The following MAP1B variants were observed in gnomAD, a reference collection of about 807,000 sequenced individuals.
The protein encoded by MAP1B is microtubule-associated protein 1B.
A neutral mutation model predicts 176.1 loss-of-function variants in MAP1B; 12 were observed. The ratio of observed to expected loss-of-function variants is 0.07; its 90% CI spans 0.04 to 0.11. The LOEUF (loss-of-function observed/expected upper bound fraction) is 0.11, where lower values mean the gene tolerates loss of function less well. MAP1B is among the 10% of genes least tolerant of loss of function. The pLI, the probability that MAP1B is intolerant of heterozygous loss-of-function variation, is 1.00. For synonymous variants in MAP1B, 1,044 were observed against 1,135.0 expected (o/e 0.92, Z 1.61); for missense variants, 2,523 against 2,990.5 (o/e 0.84, Z 3.65).
Position 72,194,972 on chromosome 5 carries a change from T to G in MAP1B, c.1617T>G (p.Ala539=). Reference sequence around the variant, plus strand: ...AACAAACAAAACTGAAACAGAGGGCTGATAGCCGAGAAAGTCTGAAGCCAG... The same window carrying G: ...AACAAACAAAACTGAAACAGAGGGCGGATAGCCGAGAAAGTCTGAAGCCAG... ...VVKQTKLKQR[A]DSRESLKPAA... is the part of the protein sequence containing the mutation. The change falls in exon 5 of 7, where the codon GCT becomes GCG. Residue 539 remains alanine (A), a synonymous_variant. Transcript: ENST00000296755. This position sits in a 1 kb window ranked among gnomAD's most constrained non-coding sequence, Gnocchi z 7.2. 1 of 1,614,064 alleles carries G rather than the reference T, an allele frequency of 6.2e-7. No individual in the cohort carries two copies. The highest frequency in any genetic ancestry group is 2.2e-5 in the East Asian group (1 of 44,874).
intron 2 of MAP1B, among the ~76,000 whole-genome samples, chr5:72,120,878 G>A (rs140865499): frequency 6.6e-6 from 1 of 152,290 alleles, no homozygotes; most frequent in East Asian, 1.9e-4. Context: ...TTATCCGTGG[G>A]AAATACCGGG....
intron 2 of MAP1B, among the ~76,000 whole-genome samples, chr5:72,137,221 G>A (rs556479999): frequency 6.6e-6 from 1 of 152,152 alleles, no homozygotes; most frequent in Admixed American, 6.6e-5. Context: ...CTGTAGACTG[G>A]TGTTGACCTC....
chr5:72,197,671 C>T lies in MAP1B; in HGVS notation c.4316C>T (p.Pro1439Leu), dbSNP rs139281610. ...GAAAAGAGTGGAAAACAAGGCTCTC[C>T]AGACCAAGTAAGTCCAGTTTCTGAA... ...FEEKSGKQGS[P>L]DQVSPVSEMT... Residue 1439 changes from proline (P) to leucine (L), a missense_variant, in exon 5 of 7, where the codon CCA becomes CTA. Physicochemically the swap from Pro to Leu is moderately conservative, Grantham distance 98. Around this residue, in one of 4 missense-constraint regions of MAP1B, gnomAD observed 1,925 missense variants for 2,126.0 expected, o/e 0.91. Coordinates refer to ENST00000296755, the MANE Select transcript of MAP1B (RefSeq NM_005909.5). 4.6e-5 allele frequency: 74 copies of T among 1,614,034 alleles called. No individual in the cohort carries two copies. In the African/African-American group the frequency reaches 8.9e-4, roughly 20 times the overall value.
At chr5:72,192,380 C>T (rs1747043250) in intron 4 of MAP1B, among the ~76,000 whole-genome samples, 1 of 152,184 alleles carries the variant, frequency 6.6e-6, no homozygotes, top group African/African-American at 2.4e-5. Flanking sequence ...TGATTCTTAT[C>T]CTTTTTACAG....
intron 2 of MAP1B, among the ~76,000 whole-genome samples, chr5:72,139,862 C>T (rs545166512): frequency 7.9e-5 from 12 of 152,280 alleles, no homozygotes; most frequent in South Asian, 2.1e-4. Flanking sequence ...AGATCTTTAT[C>T]CTGTACACCT....
chr5:72,187,522 C>T (rs1336323649), intron 4 of MAP1B, among the ~76,000 whole-genome samples: 1 of 152,180 alleles, frequency 6.6e-6, no homozygotes, highest in African/African-American at 2.4e-5. Flanking sequence ...TCAGACCCAT[C>T]CCCATAGCAG....
intron 2 of MAP1B, among the ~76,000 whole-genome samples, chr5:72,169,190 G>A (rs1746487381): frequency 1.3e-5 from 2 of 152,108 alleles, no homozygotes; most frequent in Admixed American, 1.3e-4. Flanking sequence ...TTAAGGGGTG[G>A]CAGAATGACC....
chr5:72,176,497 C>T (rs577686511), intron 2 of MAP1B, among the ~76,000 whole-genome samples: 1 of 152,138 alleles, frequency 6.6e-6, no homozygotes, highest in Non-Finnish European at 1.5e-5. Flanking sequence ...TAATATTTGC[C>T]CCACTACTTC....
At chr5:72,157,866 T>G (rs1287748173) in intron 2 of MAP1B, among the ~76,000 whole-genome samples, 3 of 152,126 alleles carry the variant, frequency 2.0e-5, no homozygotes, top group African/African-American at 2.4e-5. Flanking sequence ...TTATCACTCT[T>G]TCTTGCTCTG....
chr5:72,167,774 AC>A (rs144071485), intron 2 of MAP1B, among the ~76,000 whole-genome samples: 2,032 of 152,226 alleles, frequency 0.013, 31 homozygotes, highest in African/African-American at 0.046. Context: ...TCCCCCAGTA[AC>A]CCTTCATTTT....
At chr5:72,163,657 A>G (rs1746367725) in intron 2 of MAP1B, among the ~76,000 whole-genome samples, 1 of 152,144 alleles carries the variant, frequency 6.6e-6, no homozygotes, top group African/African-American at 2.4e-5. Flanking sequence ...TAGAGCTGTA[A>G]GGGCATGAGG....
intron 2 of MAP1B, among the ~76,000 whole-genome samples, chr5:72,179,220 G>A (rs1056162655): frequency 9.9e-5 from 15 of 152,164 alleles, no homozygotes; most frequent in African/African-American, 3.6e-4. Context: ...TTTTTCTTAT[G>A]AAGCGATAAG....
At chr5:72,187,939 C>T (rs1476213132) in intron 4 of MAP1B, among the ~76,000 whole-genome samples, 1 of 152,180 alleles carries the variant, frequency 6.6e-6, no homozygotes, top group East Asian at 1.9e-4. Flanking sequence ...AAACACATAC[C>T]AGGATGGGAT....
intron 2 of MAP1B, among the ~76,000 whole-genome samples, chr5:72,161,979 A>G (rs202092970): frequency 6.7e-6 from 1 of 149,332 alleles, no homozygotes; most frequent in Admixed American, 6.7e-5. Context: ...AAAAAAAAGA[A>G]AGAAAGAAAG....
chr5:72,179,916 C>T (rs1297920810), intron 2 of MAP1B: 4 of 985,362 alleles, frequency 4.1e-6, no homozygotes, highest in Non-Finnish European at 4.8e-6. Context: ...AGGTAAATGG[C>T]AACTGTCACG....
intron 2 of MAP1B, among the ~76,000 whole-genome samples, chr5:72,152,890 C>T (rs74338987): frequency 0.016 from 2,456 of 152,250 alleles, 37 homozygotes; most frequent in East Asian, 0.044. Flanking sequence ...CTCTCATGCT[C>T]GCTGGGCCTG....
At chr5:72,185,608 G>GAAA (rs70999268) in intron 3 of MAP1B, among the ~76,000 whole-genome samples, 1 of 134,946 alleles carries the variant, frequency 7.4e-6, no homozygotes, top group Non-Finnish European at 1.6e-5. Context: ...CTCAAAAGGA[G>GAAA]AAAAAAAAAA....
In MAP1B at chr5:72,207,807, C is replaced by T. The variant is rs922273977; in HGVS notation, c.*2568C>T. On this transcript the variant is annotated 3_prime_UTR_variant, in exon 7 of 7. Transcript: ENST00000296755. ...AAATCCAGACCTCTGGTTGATTTTT[C>T]TTTGACAGAAGATGCAAGTTATTTT... 2 of 152,138 alleles carry T rather than the reference C, an allele frequency of 1.3e-5. No homozygotes were observed. Among genetic ancestry groups the T allele is most frequent in the Non-Finnish European group, 2.9e-5 (2 of 68,018 alleles). The allele number at this position is 152,138 out of a possible 1,614,324, so 9.4% of individuals were successfully genotyped here. A position where few individuals can be genotyped will look rare whatever the true frequency, so the allele number is the denominator to read the frequency against.
chr5:72,144,095 C>A (rs1259750282), intron 2 of MAP1B, among the ~76,000 whole-genome samples: 1 of 152,128 alleles, frequency 6.6e-6, no homozygotes, highest in Non-Finnish European at 1.5e-5. Context: ...TATAAAGACC[C>A]TTTTTCCAAA....
Sources: allele counts gnomAD v4.1 joint callset (sites outside exome capture counted in the v4.1 genomes callset), GRCh38; gene constraint gnomAD v4.1.1; regional missense constraint gnomAD v4.1.1; non-coding constraint Gnocchi (gnomAD v3.1); transcripts MANE v1.5; gene names NCBI Gene and HGNC (gene_info 2026-07-23, HGNC 2026-07-21).